MYLK: variants seen among roughly 807,000 people sequenced by gnomAD.
The protein encoded by MYLK is myosin light chain kinase, smooth muscle.
A neutral mutation model predicts 203.4 loss-of-function variants in MYLK; 106 were observed. The ratio of observed to expected loss-of-function variants is 0.52; its 90% CI spans 0.45 to 0.61. The LOEUF (loss-of-function observed/expected upper bound fraction) is 0.61. Among genes scored for constraint, MYLK ranks in the 20% least tolerant of loss-of-function variants. The pLI, the probability that MYLK is intolerant of heterozygous loss-of-function variation, is 0.00. For synonymous variants in MYLK, 867 were observed against 959.5 expected, an observed-to-expected ratio of 0.90 and a Z score of 1.78; for missense variants, 2,072 against 2,442.3, an observed-to-expected ratio of 0.85 and a Z score of 3.20.
Position 123,647,140 on chromosome 3 carries a change from C to G in MYLK, c.4619+84G>C, listed in dbSNP as rs1156968603. ...GTCTGCAGTGCTTTCCATCTTGGGG[C>G]AGAGGTGGCTGGGGTAGGGCAGTAG... On this transcript the variant is annotated intron_variant, in intron 27 of 33. Coordinates refer to ENST00000360304, the MANE Select transcript of MYLK (RefSeq NM_053025.4). The G allele has an allele frequency of 8.4e-5, 105 of 1,252,370 alleles. 1 individual carries two copies. Among genetic ancestry groups the G allele is most frequent in the Non-Finnish European group, 1.2e-4 (103 of 863,050 alleles). The allele number at this position is 1,252,370 out of a possible 1,614,324, so 77.6% of individuals were successfully genotyped here. A position where few individuals can be genotyped will look rare whatever the true frequency, so the allele number is the denominator to read the frequency against.
chr3:123,737,196 G>GCTGT (rs1258976614), intron 8 of MYLK, 182 bp downstream of exon 8: 1 of 658,072 alleles, frequency 1.5e-6, no homozygotes, highest in African/African-American at 1.9e-5. Flanking sequence ...TCCAGCATGG[G>GCTGT]CGACAGAGCA....
Position 123,722,284 on chromosome 3 carries a change from T to C in MYLK, c.1652-4A>G, listed in dbSNP as rs1463457258. 4.5e-5 allele frequency: 71 copies of C among 1,565,298 alleles called. 1 individual carries two copies. The East Asian group carries it at 1.7e-3, about 37-fold the overall frequency. ...CGAGCGTACTGGATGGGCTGCCCTG[T>C]GGAGGAAGCACAGGAAGGCTCAGGC... is the stretch of plus-strand genomic sequence containing the variant. On this transcript the variant is annotated splice_region_variant and splice_polypyrimidine_tract_variant and intron_variant, in intron 12 of 33. Transcript: ENST00000360304.
At chr3:123,754,102 G>C (rs578181051) in intron 4 of MYLK, among the ~76,000 whole-genome samples, 1 of 152,296 alleles carries the variant, frequency 6.6e-6, no homozygotes, top group South Asian at 2.1e-4. Flanking sequence ...GCTAAAAAGC[G>C]CCGGTCGTTG....
intron 10 of MYLK, among the ~76,000 whole-genome samples, 198 bp from the exon 11 acceptor site, chr3:123,733,300 G>C (rs996070933): frequency 1.3e-5 from 2 of 152,168 alleles, no homozygotes; most frequent in African/African-American, 4.8e-5. Context: ...GGGCCTTGAG[G>C]AGGATGAATA....
chr3:123,740,249 A>C (rs2062816579), intron 5 of MYLK, among the ~76,000 whole-genome samples: 1 of 18,520 alleles, frequency 5.4e-5, no homozygotes, highest in South Asian at 7.7e-3. Flanking sequence ...AATAAGATTC[A>C]GAGAAGTTAA....
rs190445430 is a variant in MYLK at position 123,775,341 on chromosome 3, C to T, written c.165+18336G>A. ...GGGTACCTCACCTGGCTCTCAGCATCGGCAGATCTCACAAAACAAATGTAA... is the reference window on the plus strand; with the variant it reads ...GGGTACCTCACCTGGCTCTCAGCATTGGCAGATCTCACAAAACAAATGTAA... On this transcript the variant is annotated intron_variant, in intron 4 of 33. Coordinates refer to ENST00000360304, the MANE Select transcript of MYLK (RefSeq NM_053025.4). Among the ~76,000 whole-genome samples the T allele has an allele frequency of 1.4e-3, 209 of 152,288 alleles. 3 individuals carry two copies. The highest frequency in any genetic ancestry group is 4.0e-4 in the Non-Finnish European group (27 of 68,016).
rs1043302967 is a variant in MYLK, at chr3:123,739,014, C to A, written c.471G>T (p.Gly157=). The A allele has an allele frequency of 6.2e-7, 1 of 1,613,656 alleles. No individual in the cohort carries two copies. The highest frequency in any genetic ancestry group is 1.3e-5 in the African/African-American group (1 of 74,836). Residue 157 remains glycine (G), a synonymous_variant, in exon 7 of 34, where the codon GGG becomes GGT. Transcript: ENST00000360304. ...PAVETRPSIW[G]ECPPKFATKL... is the part of the protein sequence containing the mutation. The stretch of plus-strand genomic sequence containing the variant: ...TGGTAGCAAACTTTGGTGGGCACTC[C>A]CCCCAGATGCTAGGACGGGTCTCCA...
At chr3:123,837,013 C>T (rs942372094) in intron 2 of MYLK, among the ~76,000 whole-genome samples, 5 of 152,156 alleles carry the variant, frequency 3.3e-5, no homozygotes, top group Non-Finnish European at 7.4e-5. Flanking sequence ...AATTCCTATC[C>T]TTCCACCAGC....
chr3:123,634,800 G>A (rs1002480928), intron 29 of MYLK, among the ~76,000 whole-genome samples: 1 of 152,178 alleles, frequency 6.6e-6, no homozygotes, highest in Non-Finnish European at 1.5e-5. Context: ...GGGGGAGGAG[G>A]GCTCTTAAAC....
chr3:123,880,371 A>T (rs1289059179), intron 1 of MYLK, among the ~76,000 whole-genome samples: 3 of 152,164 alleles, frequency 2.0e-5, no homozygotes, highest in Non-Finnish European at 4.4e-5. Context: ...TAAAAGCCCC[A>T]AGTTGCAGGT....
chr3:123,879,249 G>A (rs2033359874), intron 1 of MYLK, among the ~76,000 whole-genome samples: 1 of 152,140 alleles, frequency 6.6e-6, no homozygotes, highest in Admixed American at 6.5e-5. Flanking sequence ...AATATTATTG[G>A]CAGCAGAGGG....
intron 2 of MYLK, among the ~76,000 whole-genome samples, chr3:123,853,994 A>C (rs1471646041): frequency 6.6e-6 from 1 of 152,004 alleles, no homozygotes; most frequent in Non-Finnish European, 1.5e-5. Flanking sequence ...CTCTTGCTGC[A>C]TTTGGAAACC....
chr3:123,793,130 A>G (rs181179753), intron 4 of MYLK, among the ~76,000 whole-genome samples: 1 of 152,296 alleles, frequency 6.6e-6, no homozygotes, highest in Non-Finnish European at 1.5e-5. Context: ...AGGAATGATC[A>G]TGCCTATTTG....
intron 2 of MYLK, among the ~76,000 whole-genome samples, chr3:123,843,807 A>G (rs1037418267): frequency 6.6e-5 from 10 of 152,174 alleles, no homozygotes; most frequent in Admixed American, 5.2e-4. Context: ...CTCCAAAGGA[A>G]TCCTTCTGAC....
chr3:123,758,850 G>A (rs1050417523), intron 4 of MYLK, among the ~76,000 whole-genome samples: 11 of 151,608 alleles, frequency 7.3e-5, no homozygotes, highest in African/African-American at 1.2e-4. Context: ...TCTGAGACAC[G>A]TTCTCACTCT....
At chr3:123,666,916 G>A (rs1576482528) in intron 21 of MYLK, 1 of 611,006 alleles carries the variant, frequency 1.6e-6, no homozygotes, top group South Asian at 2.0e-5. Context: ...GAGGCAGATG[G>A]AAAGACAAAG....
intron 6 of MYLK, among the ~76,000 whole-genome samples, chr3:123,739,391 C>A (rs1049935362): frequency 6.6e-6 from 1 of 152,192 alleles, no homozygotes; most frequent in South Asian, 2.1e-4. Context: ...CTTCCAGGGC[C>A]GACTCATAAG....
At position 123,630,583 on chromosome 3, in the gene MYLK, G is replaced by C. The variant is rs142344005; in HGVS notation, c.4962-957C>G. On this transcript the variant is annotated intron_variant, in intron 29 of 33. Coordinates refer to ENST00000360304, the MANE Select transcript of MYLK (RefSeq NM_053025.4). ...ATTGGAAGCCAGGTATCTGCCTCTA[G>C]AGCCTGTCCTCTTAAATGCTATACT... 7.6e-3 allele frequency: 1,155 copies of C among 152,358 alleles called. 9 individuals carry two copies. The highest frequency in any genetic ancestry group is 0.017 in the Middle Eastern group (5 of 294). 9.4% of individuals were successfully genotyped at this position (152,358 alleles called of 1,614,324 possible).
intron 20 of MYLK, among the ~76,000 whole-genome samples, chr3:123,678,089 C>T (rs893335327): frequency 6.6e-6 from 1 of 151,434 alleles, no homozygotes; most frequent in East Asian, 1.9e-4. Flanking sequence ...AAAATGGGAA[C>T]AGCTATTTAT....
Sources: gnomAD v4.1 joint callset for allele counts (sites outside exome capture counted in the v4.1 genomes callset) on GRCh38, gnomAD v4.1.1 for gene constraint, MANE v1.5 for transcripts, NCBI Gene and HGNC (gene_info 2026-07-23, HGNC 2026-07-21) for gene names.